The following GRHL2 variants were observed in gnomAD, a reference collection of about 807,000 sequenced individuals.
GRHL2 encodes the protein grainyhead-like protein 2 homolog.
In GRHL2, 21 loss-of-function variants were observed where a neutral mutation model predicts 83.8. The ratio of observed to expected loss-of-function variants is 0.25; its 90% CI spans 0.18 to 0.36. GRHL2 has a LOEUF of 0.36. GRHL2 is among the 10% of genes least tolerant of loss of function. The pLI, the probability that GRHL2 is intolerant of heterozygous loss-of-function variation, is 1.00. For missense variants in GRHL2, 623 were observed against 781.8 expected (o/e 0.80, Z 2.42); for synonymous variants, 280 against 278.9 (o/e 1.00, Z -0.04).
chr8:101,624,585 C>G (rs1813043074), intron 9 of GRHL2, among the ~76,000 whole-genome samples: 3 of 149,484 alleles, frequency 2.0e-5, no homozygotes, highest in Non-Finnish European at 4.4e-5. Flanking sequence ...TAGAACAGTT[C>G]ACAGTACACA....
intron 13 of GRHL2, 73 bp downstream of exon 13, chr8:101,644,298 T>G: frequency 8.2e-7 from 1 of 1,213,966 alleles, no homozygotes; most frequent in Non-Finnish European, 1.2e-6. Context: ...CTTGCAGCCC[T>G]CTTGCCCAGG....
chr8:101,664,992 C>G (rs557680766), intron 15 of GRHL2, among the ~76,000 whole-genome samples: 12 of 152,266 alleles, frequency 7.9e-5, no homozygotes, highest in African/African-American at 2.6e-4. Flanking sequence ...TTAAGAACAA[C>G]AGGTCATATT....
intron 8 of GRHL2, among the ~76,000 whole-genome samples, chr8:101,617,534 C>T (rs1281507529): frequency 6.6e-6 from 1 of 152,146 alleles, no homozygotes; most frequent in Non-Finnish European, 1.5e-5. Context: ...GATAGGATCT[C>T]TCTCTGTCAC....
intron 1 of GRHL2, among the ~76,000 whole-genome samples, chr8:101,532,534 G>A (rs1484165715): frequency 2.6e-5 from 4 of 152,088 alleles, no homozygotes; most frequent in Non-Finnish European, 5.9e-5. Flanking sequence ...GGCGGATCAC[G>A]AGGTCAGGAG....
chr8:101,560,159 C>G (rs1052810198), intron 4 of GRHL2, among the ~76,000 whole-genome samples: 1 of 145,622 alleles, frequency 6.9e-6, no homozygotes, highest in Non-Finnish European at 1.5e-5. Context: ...GTGTGCACCA[C>G]CATGCCTGGC....
Position 101,604,745 on chromosome 8 carries a change from T to C in GRHL2, c.1098+5594T>C, listed in dbSNP as rs545382866. 9.8e-5 allele frequency among the ~76,000 whole-genome samples: 15 copies of C among 152,334 alleles called. No homozygotes were observed. In the South Asian group the frequency reaches 3.1e-3, roughly 32 times the overall value. On this transcript the variant is annotated intron_variant, in intron 8 of 15. Coordinates refer to ENST00000646743, the MANE Select transcript of GRHL2 (RefSeq NM_024915.4). ...GCCTCCAAGCCTTTTAGAATGACCT[T>C]AGTTCAGGATTCAGTGAAAATGTTC...
At chr8:101,590,890 A>G (rs191698910) in intron 7 of GRHL2, among the ~76,000 whole-genome samples, 2 of 152,328 alleles carry the variant, frequency 1.3e-5, no homozygotes, top group East Asian at 3.9e-4. Context: ...CTTTCAGAAG[A>G]GAAGCAATCT....
intron 12 of GRHL2, among the ~76,000 whole-genome samples, chr8:101,638,473 T>C (rs10087735): frequency 0.12 from 17,545 of 152,262 alleles, 2,169 homozygotes; most frequent in African/African-American, 0.32. Flanking sequence ...TGTGTCAATT[T>C]GTTTATGTAT....
At chr8:101,604,462 C>T (rs1429535789) in intron 8 of GRHL2, among the ~76,000 whole-genome samples, 1 of 152,118 alleles carries the variant, frequency 6.6e-6, no homozygotes, top group African/African-American at 2.4e-5. Flanking sequence ...TTTCTCTGTT[C>T]GCAGTGATTT....
At chr8:101,623,813 TACAGTACACAGTAGG>T (rs377345808) in intron 9 of GRHL2, among the ~76,000 whole-genome samples, 11 of 60,220 alleles carry the variant, frequency 1.8e-4, no homozygotes, top group Non-Finnish European at 4.3e-4. Context: ...TAGGACAGTT[TACAGTACACAGTAGG>T]ACAGTACACA....
chr8:101,664,005 T>C (rs769065042), intron 14 of GRHL2, among the ~76,000 whole-genome samples: 3 of 152,214 alleles, frequency 2.0e-5, no homozygotes, highest in Non-Finnish European at 2.9e-5. Context: ...AGATCTTCCT[T>C]ACTTTAAGAT....
At chr8:101,555,770 A>G (rs1383274722) in intron 3 of GRHL2, among the ~76,000 whole-genome samples, 5 of 152,198 alleles carry the variant, frequency 3.3e-5, no homozygotes, top group African/African-American at 1.2e-4. Flanking sequence ...ATAAAGTTTT[A>G]GATATCTTAA....
In GRHL2 at chr8:101,492,477, T is replaced by G; in HGVS notation, c.-293T>G. ...GTGGCCGCCCAAGTCCGCCACTTTC[T>G]GCTCTGTGTCTGCCCATTGCCACGA... On this transcript the variant is annotated 5_prime_UTR_variant, in exon 1 of 16. Transcript: ENST00000646743. 1.8e-6 allele frequency: 1 copy of G among 550,100 alleles called. No individual in the cohort carries two copies. The allele number at this position is 550,100 out of a possible 1,614,324, so 34.1% of individuals were successfully genotyped here.
At chr8:101,509,210 TG>T (rs1810414405) in intron 1 of GRHL2, among the ~76,000 whole-genome samples, 18 of 1,638 alleles carry the variant, frequency 0.011, no homozygotes, top group Non-Finnish European at 0.034. Context: ...TCTTTCTTCT[TG>T]TGTGTGTGTG....
intron 13 of GRHL2, among the ~76,000 whole-genome samples, chr8:101,647,099 G>A (rs1176274097): frequency 6.6e-6 from 1 of 152,220 alleles, no homozygotes; most frequent in East Asian, 1.9e-4. Context: ...AAAATGGTTT[G>A]GGGGACCAGG....
At chr8:101,550,508 G>T (rs1811357043) in intron 2 of GRHL2, among the ~76,000 whole-genome samples, 1 of 152,114 alleles carries the variant, frequency 6.6e-6, no homozygotes, top group Non-Finnish European at 1.5e-5. Flanking sequence ...CACCCATCTT[G>T]CTGCAAAGGA....
intron 14 of GRHL2, among the ~76,000 whole-genome samples, chr8:101,657,767 G>A (rs1813826686): frequency 6.6e-6 from 1 of 151,246 alleles, no homozygotes; most frequent in African/African-American, 2.4e-5. Context: ...GTGAACCCAG[G>A]AGACGGAGCT....
chr8:101,495,250 C>T (rs1036297596), intron 1 of GRHL2, among the ~76,000 whole-genome samples: 1 of 152,168 alleles, frequency 6.6e-6, no homozygotes, highest in Non-Finnish European at 1.5e-5. Context: ...ATAACATGAA[C>T]GAACACACAC....
chr8:101,617,646 A>G (rs898000611), intron 8 of GRHL2, among the ~76,000 whole-genome samples: 2 of 152,184 alleles, frequency 1.3e-5, no homozygotes, highest in Non-Finnish European at 2.9e-5. Flanking sequence ...CTGGGACTAC[A>G]GGGATGCACC....
Sources: gnomAD v4.1 joint callset for allele counts (sites outside exome capture counted in the v4.1 genomes callset) on GRCh38, gnomAD v4.1.1 for gene constraint, MANE v1.5 for transcripts, NCBI Gene and HGNC (gene_info 2026-07-23, HGNC 2026-07-21) for gene names.